The following YJU2B variants were observed in gnomAD, a reference collection of about 807,000 sequenced individuals.
YJU2B encodes the protein YJU2 splicing factor homolog B.
A neutral mutation model predicts 38.0 loss-of-function variants in YJU2B; 18 were observed. The observed-to-expected ratio is 0.47, with a 90% confidence interval of 0.33 to 0.70. The LOEUF is 0.70. YJU2B is among the 30% of genes least tolerant of loss of function. YJU2B has a pLI of 0.02. For synonymous variants in YJU2B, 246 were observed against 225.4 expected (o/e 1.09, Z -0.82); for missense variants, 538 against 556.3 (o/e 0.97, Z 0.33).
chr19:13,762,265 C>T (rs1202426545), intron 8 of YJU2B, 34 bp from the exon 9 acceptor site: 2 of 1,607,788 alleles, frequency 1.2e-6, no homozygotes, highest in African/African-American at 2.7e-5. Context: ...GCTTTGACAC[C>T]CCCTATCTCT....
chr19:13,756,399 C>A, intron 4 of YJU2B, 120 bp downstream of exon 4: 1 of 750,604 alleles, frequency 1.3e-6, no homozygotes, highest in Non-Finnish European at 2.3e-6. Flanking sequence ...AGCAGAAAGT[C>A]ACCGTATCAG....
At chr19:13,755,819 G>A (rs143823228) in intron 3 of YJU2B, among the ~76,000 whole-genome samples, 7 of 152,044 alleles carry the variant, frequency 4.6e-5, no homozygotes, top group East Asian at 1.9e-4. Flanking sequence ...ATAGCCGGGC[G>A]TGGTGGCAGG....
At chr19:13,734,268 C>CTATATTAA (rs1285376757) in intron 2 of YJU2B, among the ~76,000 whole-genome samples, 1 of 151,718 alleles carries the variant, frequency 6.6e-6, no homozygotes, top group East Asian at 1.9e-4. Flanking sequence ...AAAGTATACA[C>CTATATTAA]TATATTAATT....
intron 2 of YJU2B, among the ~76,000 whole-genome samples, chr19:13,741,791 T>C (rs1440110398): frequency 6.6e-6 from 1 of 152,034 alleles, no homozygotes; most frequent in Non-Finnish European, 1.5e-5. Flanking sequence ...ATAAGCTGCC[T>C]CAGAACCAAG....
At chr19:13,748,062 T>A (rs1405713352) in intron 1 of YJU2B, 108 bp downstream of exon 1, 1 of 152,146 alleles carries the variant, frequency 6.6e-6, no homozygotes, top group Non-Finnish European at 1.5e-5. Context: ...GACGCGGAGC[T>A]GAGGACCCGA....
chr19:13,751,580 G>C, intron 1 of YJU2B, 28 bp from the exon 2 acceptor site: 1 of 573,672 alleles, frequency 1.7e-6, no homozygotes, highest in Non-Finnish European at 3.2e-6. Flanking sequence ...TGGCTGTAGA[G>C]TGGACGGGAC....
rs1241885417 is a variant in YJU2B, at chr19:13,759,120, C to A, written c.421C>A (p.Leu141Met). Residue 141 changes from leucine (L) to methionine (M), a missense_variant, in exon 8 of 10, where the codon CTG (leucine) becomes ATG (methionine). Leu to Met is a conservative substitution (Grantham distance 15). Around this residue, in one of 2 missense-constraint regions of YJU2B, gnomAD observed 488 missense variants for 469.5 expected, o/e 1.04. Coordinates refer to ENST00000221554, the MANE Select transcript of YJU2B (RefSeq NM_030818.4). Reference sequence around the variant, plus strand: ...TGCAGAGCATGAGAAGAAGCAGAAGCTGGAGACGGACGCCATGTTCCGGCT... The same window carrying A: ...TGCAGAGCATGAGAAGAAGCAGAAGATGGAGACGGACGCCATGTTCCGGCT... ...LTTEHEKKQK[L>M]ETDAMFRLEH... The A allele has an allele frequency of 6.2e-7, 1 of 1,613,802 alleles. No individual in the cohort carries two copies. Among genetic ancestry groups the A allele is most frequent in the Admixed American group, 1.7e-5 (1 of 59,982 alleles).
intron 3 of YJU2B, among the ~76,000 whole-genome samples, chr19:13,755,486 A>G (rs1422796430): frequency 6.6e-6 from 1 of 151,176 alleles, no homozygotes; most frequent in African/African-American, 2.4e-5. Flanking sequence ...AAATAAGGTG[A>G]TGCACATGAA....
chr19:13,738,096 A>G (rs1296983179), intron 2 of YJU2B, among the ~76,000 whole-genome samples: 1 of 152,128 alleles, frequency 6.6e-6, no homozygotes, highest in Non-Finnish European at 1.5e-5. Context: ...GTTTCTCCTC[A>G]ACTGAAAAAG....
At chr19:13,747,198 C>G (rs1973275289), upstream of YJU2B, among the ~76,000 whole-genome samples, 1 of 152,180 alleles carries the variant, frequency 6.6e-6, no homozygotes, top group African/African-American at 2.4e-5. Flanking sequence ...TCCTTCCCTG[C>G]ATTTGCTGTT....
In YJU2B at chr19:13,757,432, A is replaced by G; in HGVS notation, c.155A>G (p.Tyr52Cys). 1 of 1,614,012 alleles carries G rather than the reference A, an allele frequency of 6.2e-7. No individual in the cohort carries two copies. Among genetic ancestry groups the G allele is most frequent in the East Asian group, 2.2e-5 (1 of 44,858 alleles). ...TGTCTTTGCAGATTCGAAATGCCAT[A>G]TAACATCTGGTGCGATGGCTGCAAG... is the stretch of plus-strand genomic sequence containing the variant. The part of the protein sequence containing the change: ...GILIIRFEMP[Y>C]NIWCDGCKNH... The change falls in exon 5 of 10, where the codon TAT becomes TGT. Residue 52 changes from tyrosine to cysteine, a missense_variant. By Grantham distance (194) the Tyr-to-Cys change is radical (BLOSUM62 -2). Coordinates refer to ENST00000221554, the MANE Select transcript of YJU2B (RefSeq NM_030818.4).
intron 2 of YJU2B, among the ~76,000 whole-genome samples, chr19:13,734,465 T>C (rs1972894274): frequency 6.6e-6 from 1 of 152,138 alleles, no homozygotes; most frequent in African/African-American, 2.4e-5. Flanking sequence ...TATTTTTGTA[T>C]TTTTAGTAGA....
Position 13,758,881 on chromosome 19 carries a change from T to C in YJU2B, c.271T>C (p.Cys91Arg), listed in dbSNP as rs1440972733. 1.2e-6 allele frequency: 2 copies of C among 1,613,772 alleles called. No homozygotes were observed. Among genetic ancestry groups the C allele is most frequent in the Admixed American group, 1.7e-5 (1 of 59,898 alleles). ...TTPIYRFRMK[C>R]HLCVNYIEMQ... is the part of the protein sequence containing the mutation. Reference sequence around the variant, plus strand: ...GCTCCCTCCCAGGTTCCGGATGAAATGCCACCTCTGTGTCAACTACATCGA... The same window carrying C: ...GCTCCCTCCCAGGTTCCGGATGAAACGCCACCTCTGTGTCAACTACATCGA... The change falls in exon 7 of 10, where the codon TGC (cysteine) becomes CGC (arginine). Residue 91 changes from cysteine (C) to arginine (R), a missense_variant. Coordinates refer to ENST00000221554, the MANE Select transcript of YJU2B (RefSeq NM_030818.4).
chr19:13,762,476 T>C (rs1358307850), intron 9 of YJU2B, 39 bp downstream of exon 9: 2 of 1,601,910 alleles, frequency 1.2e-6, no homozygotes, highest in Non-Finnish European at 1.7e-6. Context: ...ACAGGGAGGC[T>C]CAGAGTTGCC....
At chr19:13,747,868 G>C (rs748422910), upstream of YJU2B, 1 of 152,350 alleles carries the variant, frequency 6.6e-6, no homozygotes, top group East Asian at 1.9e-4. Flanking sequence ...CCGGCGTCCT[G>C]GGGGCGCGGA....
intron 4 of YJU2B, among the ~76,000 whole-genome samples, chr19:13,756,821 A>G (rs1001403222): frequency 1.3e-5 from 2 of 151,946 alleles, no homozygotes; most frequent in Non-Finnish European, 2.9e-5. Flanking sequence ...CTGAAAATAG[A>G]AAAAATTAGG....
chr19:13,733,881 A>T (rs1331189135), intron 2 of YJU2B, among the ~76,000 whole-genome samples: 2 of 152,212 alleles, frequency 1.3e-5, no homozygotes. Flanking sequence ...GAAATCTGTT[A>T]GTTTTCACTA....
chr19:13,732,477 C>G (rs1972841051), intron 2 of YJU2B: 2 of 151,782 alleles, frequency 1.3e-5, no homozygotes, highest in African/African-American at 4.8e-5. Flanking sequence ...CCTGGTGGCC[C>G]AAGTCTGTAG....
At position 13,740,833 on chromosome 19, in the gene YJU2B, C is replaced by G. The variant is rs368907224; in HGVS notation, c.-202+8548C>G. 2.2e-4 allele frequency among the ~76,000 whole-genome samples: 34 copies of G among 152,254 alleles called. No homozygotes were observed. The East Asian group carries it at 3.3e-3, about 15-fold the overall frequency. ...TACAGGCGTGAGCCACCGTGCCCGGCCTTAGACATTTTTATATTTGGTTTG... is the reference window on the plus strand; with the variant it reads ...TACAGGCGTGAGCCACCGTGCCCGGGCTTAGACATTTTTATATTTGGTTTG... On this transcript the variant is annotated intron_variant, in intron 2 of 10. Coordinates refer to the YJU2B transcript ENST00000586600.
Sources: gnomAD v4.1 joint callset for allele counts (sites outside exome capture counted in the v4.1 genomes callset) on GRCh38, gnomAD v4.1.1 for gene constraint, gnomAD v4.1.1 regional missense constraint, MANE v1.5 for transcripts, NCBI Gene and HGNC (gene_info 2026-07-23, HGNC 2026-07-21) for gene names.